ATP8A1: variants seen among roughly 807,000 people sequenced by gnomAD.
ATP8A1 encodes phospholipid-transporting ATPase IA.
In ATP8A1, 90 loss-of-function variants were observed where a neutral mutation model predicts 177.7. The ratio of observed to expected loss-of-function variants is 0.51; its 90% CI spans 0.43 to 0.60. ATP8A1 has a LOEUF of 0.60. ATP8A1 is among the 20% of genes least tolerant of loss of function. The pLI is 0.00. For missense variants in ATP8A1, 1,072 were observed against 1,392.8 expected (o/e 0.77, Z 3.67); for synonymous variants, 493 against 485.9 (o/e 1.01, Z -0.19).
chr4:42,437,566 A>G (rs991369508), intron 33 of ATP8A1, among the ~76,000 whole-genome samples: 1 of 152,104 alleles, frequency 6.6e-6, no homozygotes, highest in Non-Finnish European at 1.5e-5. Flanking sequence ...TTATTGTTGC[A>G]TTTTCCAATT....
At chr4:42,444,326 T>C (rs1328801179) in intron 32 of ATP8A1, among the ~76,000 whole-genome samples, 1 of 152,216 alleles carries the variant, frequency 6.6e-6, no homozygotes, top group Non-Finnish European at 1.5e-5. Flanking sequence ...ATACTCATAA[T>C]ATATGACAAT....
chr4:42,645,959 G>C (rs1740490543), intron 1 of ATP8A1, among the ~76,000 whole-genome samples: 1 of 151,922 alleles, frequency 6.6e-6, no homozygotes, highest in Admixed American at 6.6e-5. Flanking sequence ...GAGTGAGACA[G>C]ACTAGAAGGG....
chr4:42,566,214 G>GT (rs1349589398), intron 15 of ATP8A1, among the ~76,000 whole-genome samples: 1 of 152,106 alleles, frequency 6.6e-6, no homozygotes, highest in African/African-American at 2.4e-5. Context: ...AGGTAATTAT[G>GT]TTTTTTTAAT....
chr4:42,487,946 C>T (rs1203081785), intron 24 of ATP8A1, among the ~76,000 whole-genome samples: 2 of 152,176 alleles, frequency 1.3e-5, no homozygotes, highest in Non-Finnish European at 2.9e-5. Context: ...TCACACTTTA[C>T]ATCAGGGATG....
At chr4:42,548,906 TTTAG>T (rs1290530247) in intron 19 of ATP8A1, 103 bp downstream of exon 19, 24 of 856,254 alleles carry the variant, frequency 2.8e-5, no homozygotes, top group East Asian at 2.5e-4. Context: ...TCTAAACAAA[TTTAG>T]TTAAATAAAA....
intron 24 of ATP8A1, among the ~76,000 whole-genome samples, chr4:42,488,099 T>A (rs1315859479): frequency 6.6e-6 from 1 of 152,320 alleles, no homozygotes; most frequent in South Asian, 2.1e-4. Flanking sequence ...CTATAATAGA[T>A]ATCCCCTGGA....
intron 24 of ATP8A1, among the ~76,000 whole-genome samples, chr4:42,487,956 G>C (rs1026191562): frequency 1.3e-5 from 2 of 152,154 alleles, no homozygotes; most frequent in Admixed American, 1.3e-4. Context: ...CATCAGGGAT[G>C]GGGGGAGAGT....
chr4:42,434,933 T>C (rs927564438), intron 33 of ATP8A1, among the ~76,000 whole-genome samples: 10 of 152,216 alleles, frequency 6.6e-5, no homozygotes, highest in African/African-American at 2.2e-4. Flanking sequence ...TGTCTCCCAA[T>C]TGACTTCTAT....
At chr4:42,600,585 TA>T in intron 5 of ATP8A1, 67 bp from the exon 6 acceptor site, 1 of 1,465,008 alleles carries the variant, frequency 6.8e-7, no homozygotes, top group Non-Finnish European at 9.3e-7. Context: ...TCTGATGAAA[TA>T]ATAATTTTAA....
intron 22 of ATP8A1, among the ~76,000 whole-genome samples, chr4:42,519,415 C>G (rs1725887453): frequency 6.6e-6 from 1 of 152,100 alleles, no homozygotes; most frequent in South Asian, 2.1e-4. Flanking sequence ...TTCTTTTTCC[C>G]TACAATGATG....
intron 35 of ATP8A1, among the ~76,000 whole-genome samples, chr4:42,419,687 T>C (rs1713646682): frequency 6.6e-6 from 1 of 152,204 alleles, no homozygotes. Context: ...ATTTCTTCCC[T>C]TTTGATAAAG....
At chr4:42,451,544 C>T (rs1043628031) in intron 30 of ATP8A1, among the ~76,000 whole-genome samples, 4 of 152,074 alleles carry the variant, frequency 2.6e-5, no homozygotes, top group Admixed American at 2.6e-4. Context: ...CCAAGATGAA[C>T]ATAAAAACAT....
chr4:42,558,471 T>C (rs1577585281), intron 15 of ATP8A1, among the ~76,000 whole-genome samples: 3 of 152,340 alleles, frequency 2.0e-5, no homozygotes, highest in African/African-American at 7.2e-5. Context: ...GCAGCTTCTT[T>C]AGGCTGACTT....
chr4:42,424,285 A>G (rs1198498112), intron 33 of ATP8A1, among the ~76,000 whole-genome samples: 2 of 152,044 alleles, frequency 1.3e-5, no homozygotes, highest in African/African-American at 4.8e-5. Context: ...AAAAAAAATG[A>G]TTCTGTAATT....
chr4:42,413,995 C>A (rs140968378), intron 36 of ATP8A1, among the ~76,000 whole-genome samples: 1 of 152,210 alleles, frequency 6.6e-6, no homozygotes, highest in Admixed American at 6.5e-5. Context: ...TAAGGAATGG[C>A]CCCCAAGGGG....
In ATP8A1 at chr4:42,522,256, G is replaced by T; in HGVS notation, c.1851C>A (p.Ser617Arg). ...AGACTGCTCGCCACTCCTGAAAGTC[G>T]CTCTCTGAAATCTCAGCCACAGCAA... ...LCFAVAEISESDFQEWRAVYQ... is the reference protein window; with the variant it reads ...LCFAVAEISERDFQEWRAVYQ... The change falls in exon 22 of 37, where the codon AGC (serine) becomes AGA (arginine). Residue 617 changes from serine to arginine, a missense_variant. Ser to Arg is a moderately radical substitution (Grantham distance 110). Around this residue, in one of 5 missense-constraint regions of ATP8A1, gnomAD observed 388 missense variants for 471.7 expected, o/e 0.82. Coordinates refer to ENST00000381668, the MANE Select transcript of ATP8A1 (RefSeq NM_006095.2). The T allele has an allele frequency of 6.2e-7, 1 of 1,613,630 alleles. No individual in the cohort carries two copies. Among genetic ancestry groups the T allele is most frequent in the Non-Finnish European group, 8.5e-7 (1 of 1,179,876 alleles).
chr4:42,501,929 C>T (rs1191062199), intron 24 of ATP8A1, among the ~76,000 whole-genome samples: 2 of 152,170 alleles, frequency 1.3e-5, no homozygotes, highest in Non-Finnish European at 2.9e-5. Context: ...TCCATTCAGC[C>T]ACAGTGTTTG....
At chr4:42,611,662 T>C (rs1018918936) in intron 5 of ATP8A1, among the ~76,000 whole-genome samples, 1 of 152,224 alleles carries the variant, frequency 6.6e-6, no homozygotes, top group Non-Finnish European at 1.5e-5. Flanking sequence ...GTCATTCCAC[T>C]TGAAATATTG....
At chr4:42,556,117 A>C (rs1577580680) in intron 15 of ATP8A1, 77 bp from the exon 16 acceptor site, 1 of 1,021,236 alleles carries the variant, frequency 9.8e-7, no homozygotes, top group African/African-American at 1.6e-5. Context: ...GTACTTTATG[A>C]GTAAAGTGTT....
Sources: gnomAD v4.1 joint callset for allele counts (sites outside exome capture counted in the v4.1 genomes callset) on GRCh38, gnomAD v4.1.1 for gene constraint, gnomAD v4.1.1 regional missense constraint, MANE v1.5 for transcripts, NCBI Gene and HGNC (gene_info 2026-07-23, HGNC 2026-07-21) for gene names.